Variants in YES1 observed in about 807,000 individuals in gnomAD.
YES1 encodes YES proto-oncogene 1, Src family tyrosine kinase, also known as tyrosine-protein kinase Yes.
In YES1, 39 loss-of-function variants were observed where a neutral mutation model predicts 70.4. That is an observed-to-expected ratio of 0.55 (90% CI 0.43 to 0.72). The LOEUF is 0.72. Among genes scored for constraint, YES1 ranks in the 30% least tolerant of loss-of-function variants. The pLI, the probability that YES1 is intolerant of heterozygous loss-of-function variation, is 0.00. For synonymous variants in YES1, 198 were observed against 218.6 expected, an observed-to-expected ratio of 0.91 and a Z score of 0.83; for missense variants, 495 against 644.8, an observed-to-expected ratio of 0.77 and a Z score of 2.52.
chr18:806,739 G>C (rs951374963), intron 1 of YES1, among the ~76,000 whole-genome samples: 1 of 152,224 alleles, frequency 6.6e-6, no homozygotes, highest in Non-Finnish European at 1.5e-5. Flanking sequence ...AGCACAAAGA[G>C]GTCATAACAC....
chr18:728,750 C>T (rs561224368), intron 11 of YES1, among the ~76,000 whole-genome samples: 5 of 152,064 alleles, frequency 3.3e-5, no homozygotes, highest in Non-Finnish European at 7.4e-5. Flanking sequence ...GGTCTCAAAC[C>T]CCTGACCTCG....
At chr18:753,721 A>G (rs534312545) in intron 2 of YES1, among the ~76,000 whole-genome samples, 73 of 152,294 alleles carry the variant, frequency 4.8e-4, no homozygotes, top group African/African-American at 1.6e-3. Flanking sequence ...CCTGACCTCA[A>G]GTGATCTACC....
chr18:731,093 G>T (rs1236837687), intron 11 of YES1, among the ~76,000 whole-genome samples: 1 of 152,188 alleles, frequency 6.6e-6, no homozygotes, highest in Admixed American at 6.5e-5. Flanking sequence ...AATTGCTAGG[G>T]TTGGGGTGGA....
chr18:748,049 G>T, intron 3 of YES1, 31 bp from the exon 4 acceptor site: 1 of 1,590,842 alleles, frequency 6.3e-7, no homozygotes, highest in Non-Finnish European at 8.6e-7. Flanking sequence ...ATCACCGCAA[G>T]GTAGACTATT....
intron 1 of YES1, among the ~76,000 whole-genome samples, chr18:773,117 C>T (rs915563121): frequency 1.3e-5 from 2 of 152,134 alleles, no homozygotes; most frequent in African/African-American, 2.4e-5. Context: ...AGTAGAAATA[C>T]ACATTTTAGC....
At chr18:727,830 A>G (rs2080039573) in intron 11 of YES1, among the ~76,000 whole-genome samples, 1 of 152,114 alleles carries the variant, frequency 6.6e-6, no homozygotes, top group Non-Finnish European at 1.5e-5. Context: ...AGCACTTTAA[A>G]GGCATAATTT....
Sources: allele counts gnomAD v4.1 joint callset (sites outside exome capture counted in the v4.1 genomes callset), GRCh38; gene constraint gnomAD v4.1.1; transcripts MANE v1.5; gene names NCBI Gene and HGNC (gene_info 2026-07-23, HGNC 2026-07-21).